The following PDE12 variants were observed in gnomAD, a reference collection of about 807,000 sequenced individuals.
PDE12 encodes the protein 2',5'-phosphodiesterase 12.
Under a neutral mutation model 45.4 loss-of-function variants are expected in PDE12, and 26 were observed. The observed-to-expected ratio is 0.57, with a 90% confidence interval of 0.42 to 0.79. The LOEUF is 0.79. PDE12 is among the 30% of genes least tolerant of loss of function. The pLI is 0.00. For missense variants in PDE12, 668 were observed against 790.0 expected (o/e 0.85, Z 1.85); for synonymous variants, 283 against 323.9 (o/e 0.87, Z 1.36).
intron 1 of PDE12, 60 bp from the exon 2 acceptor site, chr3:57,559,250 A>G (rs1031798587): frequency 6.6e-6 from 9 of 1,369,358 alleles, no homozygotes; most frequent in Non-Finnish European, 9.3e-6. Flanking sequence ...CAAACAAACA[A>G]AAACATTCAG....
At position 57,566,392 on chromosome 3, in the gene PDE12, T is replaced by C. The variant is rs1047664845; in HGVS notation, c.*6388T>C. 2.6e-5 allele frequency: 4 copies of C among 152,232 alleles called. No homozygotes were observed. Among genetic ancestry groups the C allele is most frequent in the Admixed American group, 1.3e-4 (2 of 15,284 alleles). The allele number at this position is 152,232 out of a possible 1,614,324, so 9.4% of individuals were successfully genotyped here. A position where few individuals can be genotyped will look rare whatever the true frequency, so the allele number is the denominator to read the frequency against. On this transcript the variant is annotated 3_prime_UTR_variant, in exon 3 of 3. Coordinates refer to ENST00000311180, the MANE Select transcript of PDE12 (RefSeq NM_177966.7). ...TGTCCATTCATTAGTTGACAGACATTTGAATTGCTTCCACTTCCTGGCTTC... is the reference window on the plus strand; with the variant it reads ...TGTCCATTCATTAGTTGACAGACATCTGAATTGCTTCCACTTCCTGGCTTC...
Position 57,560,166 on chromosome 3 carries a change from G to T in PDE12, c.*162G>T. 7.2e-7 allele frequency: 1 copy of T among 1,383,430 alleles called. No homozygotes were observed. The highest frequency in any genetic ancestry group is 1.8e-5 in the South Asian group (1 of 54,636). The allele number at this position is 1,383,430 out of a possible 1,614,324, so 85.7% of individuals were successfully genotyped here. A position where few individuals can be genotyped will look rare whatever the true frequency, so the allele number is the denominator to read the frequency against. On this transcript the variant is annotated 3_prime_UTR_variant, in exon 3 of 3. Transcript: ENST00000311180. ...CTTCGTTATGAAACTGTTGATGTTT[G>T]CATCATACATCTTCTCTTTCCTTGT...
At chr3:57,605,529 A>C in the PDE12 span, among the ~76,000 whole-genome samples, 1 of 152,188 alleles carries the variant, frequency 6.6e-6, no homozygotes, top group East Asian at 1.9e-4. Flanking sequence ...TTCTAAATTG[A>C]GTACTACTCT....
the PDE12 span, chr3:57,584,026 AT>A: frequency 1.3e-6 from 2 of 1,493,746 alleles, no homozygotes; most frequent in South Asian, 2.3e-5. Context: ...AAAAACAAAA[AT>A]GACCGCTGTG....
chr3:57,573,601 A>C, the PDE12 span, among the ~76,000 whole-genome samples: 51 of 152,150 alleles, frequency 3.4e-4, no homozygotes, highest in African/African-American at 1.2e-3. Flanking sequence ...GATTGTTTTG[A>C]GGCAGAGTAC....
the PDE12 span, among the ~76,000 whole-genome samples, chr3:57,619,273 A>G: frequency 1.3e-5 from 2 of 151,844 alleles, no homozygotes; most frequent in African/African-American, 4.8e-5. Flanking sequence ...GTGTGAACCC[A>G]GGAGGCGGAG....
At chr3:57,582,152 T>A in the PDE12 span, among the ~76,000 whole-genome samples, 2 of 152,224 alleles carry the variant, frequency 1.3e-5, no homozygotes, top group South Asian at 4.1e-4. Flanking sequence ...ACCTTGTATT[T>A]AACATTTTCC....
chr3:57,618,107 G>A, the PDE12 span, among the ~76,000 whole-genome samples: 1 of 152,042 alleles, frequency 6.6e-6, no homozygotes, highest in Admixed American at 6.6e-5. Flanking sequence ...ACAAAGATGG[G>A]AACAATAAAC....
At chr3:57,612,166 T>C in the PDE12 span, among the ~76,000 whole-genome samples, 1 of 143,328 alleles carries the variant, frequency 7.0e-6, no homozygotes, top group Non-Finnish European at 1.5e-5. Flanking sequence ...TCGTATGTTC[T>C]CACTCATAGG....
the PDE12 span, among the ~76,000 whole-genome samples, chr3:57,615,402 A>G: frequency 2.6e-5 from 4 of 152,306 alleles, no homozygotes; most frequent in East Asian, 5.8e-4. Context: ...AAAAGCTTAT[A>G]TTAGAAAAGA....
chr3:57,573,990 G>A, the PDE12 span, among the ~76,000 whole-genome samples: 1 of 152,180 alleles, frequency 6.6e-6, no homozygotes, highest in South Asian at 2.1e-4. Flanking sequence ...CACCCAGGCT[G>A]GAGTGCAGTG....
chr3:57,616,835 G>A, the PDE12 span, among the ~76,000 whole-genome samples: 1 of 152,140 alleles, frequency 6.6e-6, no homozygotes, highest in Non-Finnish European at 1.5e-5. Flanking sequence ...ACCAGCCTGG[G>A]CAACACGGTG....
the PDE12 span, among the ~76,000 whole-genome samples, chr3:57,593,196 G>T: frequency 5.9e-5 from 9 of 152,100 alleles, no homozygotes; most frequent in South Asian, 1.9e-3. Flanking sequence ...GGGTGACAGA[G>T]CAAAACCCTG....
chr3:57,598,877 T>C, the PDE12 span, among the ~76,000 whole-genome samples: 1 of 152,186 alleles, frequency 6.6e-6, no homozygotes, highest in African/African-American at 2.4e-5. Flanking sequence ...TGCTTAGCAG[T>C]TGAATAACTC....
At chr3:57,589,738 C>CA in the PDE12 span, among the ~76,000 whole-genome samples, 1 of 149,480 alleles carries the variant, frequency 6.7e-6, no homozygotes, top group African/African-American at 2.5e-5. Context: ...ACAAAAAACC[C>CA]AAAAAAACAA....
At chr3:57,597,270 G>A in the PDE12 span, 417 of 887,888 alleles carry the variant, frequency 4.7e-4, 1 homozygote, top group Middle Eastern at 5.2e-4. Flanking sequence ...GAGGGAGGCA[G>A]AAACGTCTCA....
the PDE12 span, chr3:57,630,584 C>A: frequency 1.3e-6 from 2 of 1,532,256 alleles, no homozygotes; most frequent in Non-Finnish European, 8.8e-7. Context: ...TTCCTCAATA[C>A]CTTTCCTAGT....
In PDE12 at chr3:57,556,910, C is replaced by T. The variant is rs762027189; in HGVS notation, c.531C>T (p.Phe177=). The T allele has an allele frequency of 6.2e-7, 1 of 1,614,066 alleles. No homozygotes were observed. The highest frequency in any genetic ancestry group is 8.5e-7 in the Non-Finnish European group (1 of 1,180,044). Reference sequence around the variant, plus strand: ...TGCCGCGCTACATCATGGCCGGGTTCCCTGTGTGCCCCAAACTCAGCCTCG... The same window carrying T: ...TGCCGCGCTACATCATGGCCGGGTTTCCTGTGTGCCCCAAACTCAGCCTCG... ...LQLPRYIMAG[F]PVCPKLSLEF... Residue 177 remains phenylalanine, a synonymous_variant, in exon 1 of 3, where the codon TTC becomes TTT. Transcript: ENST00000311180. The surrounding 1 kb of genome is among the most constrained non-coding windows in gnomAD (Gnocchi z 5.0).
At chr3:57,572,725 C>T in the PDE12 span, among the ~76,000 whole-genome samples, 1 of 151,940 alleles carries the variant, frequency 6.6e-6, no homozygotes, top group African/African-American at 2.4e-5. Context: ...CAAGATTTTC[C>T]CCCCTCATTC....
Sources: gnomAD v4.1 joint callset for allele counts (sites outside exome capture counted in the v4.1 genomes callset) on GRCh38, gnomAD v4.1.1 for gene constraint, Gnocchi (gnomAD v3.1) non-coding constraint, MANE v1.5 for transcripts, NCBI Gene and HGNC (gene_info 2026-07-23, HGNC 2026-07-21) for gene names.